The following MMEL1 variants were observed in gnomAD, a reference collection of about 807,000 sequenced individuals.
MMEL1 encodes membrane metallo-endopeptidase-like 1.
In MMEL1, 98 loss-of-function variants were observed where a neutral mutation model predicts 117.1. The observed-to-expected ratio is 0.84, with a 90% CI of 0.71 to 0.99. MMEL1 has a LOEUF of 0.99. Among genes scored for constraint, MMEL1 ranks in the 50% least tolerant of loss-of-function variants. The probability of loss-of-function intolerance (pLI) is 0.00; values close to 1 mark genes in which losing one functional copy is unlikely to be tolerated. For synonymous variants in MMEL1, 390 were observed against 415.1 expected (o/e 0.94, Z 0.74); for missense variants, 1,014 against 1,049.1 (o/e 0.97, Z 0.46).
At chr1:2,606,096 C>A (rs997767790) in intron 8 of MMEL1, 152 bp downstream of exon 8, 17 of 644,492 alleles carry the variant, frequency 2.6e-5, no homozygotes, top group Non-Finnish European at 4.4e-5. Context: ...AGCTCGTTCC[C>A]GGGCCCACGG....
In MMEL1 at chr1:2,598,425, T is replaced by C; in HGVS notation, c.1179-125A>G. The C allele has an allele frequency of 4.1e-6, 5 of 1,209,120 alleles. 1 individual carries two copies. In the South Asian group the frequency reaches 7.0e-5, roughly 17 times the overall value. The allele number at this position is 1,209,120 out of a possible 1,614,324, so 74.9% of individuals were successfully genotyped here. On this transcript the variant is annotated intron_variant, in intron 12 of 23. Transcript: ENST00000378412. Reference sequence around the variant, plus strand: ...AGAGTTATGGGTGCTGGAGAAAACCTCCAGGACAACCACCTCCAAGATCCA... The same window carrying C: ...AGAGTTATGGGTGCTGGAGAAAACCCCCAGGACAACCACCTCCAAGATCCA...
chr1:2,614,290 T>C (rs1291112843), intron 2 of MMEL1, among the ~76,000 whole-genome samples: 1 of 152,262 alleles, frequency 6.6e-6, no homozygotes, highest in Non-Finnish European at 1.5e-5. Flanking sequence ...TTGACCTAAG[T>C]AACTTTAGAA....
chr1:2,603,942 A>T lies in MMEL1; in HGVS notation c.983T>A (p.Val328Asp), dbSNP rs780063018. The change falls in exon 11 of 24, where the codon GTC (valine) becomes GAC (aspartate). Residue 328 changes from valine (V) to aspartate (D), a missense_variant. Transcript: ENST00000378412. ...ATVPQEERHD[V>D]IALYHRMGLE... ...TCCCATCCGGTGGTACAAGGCGATG[A>T]CGTCGTGTCTCTCCTCCTGGGGTAC... 6.2e-6 allele frequency: 10 copies of T among 1,613,682 alleles called. No individual in the cohort carries two copies. The African/African-American group carries it at 8.0e-5, about 13-fold the overall frequency.
At chr1:2,632,738 A>T (rs887975107) in intron 1 of MMEL1, 128 bp downstream of exon 1, 3 of 457,850 alleles carry the variant, frequency 6.6e-6, no homozygotes, top group Non-Finnish European at 8.6e-6. Flanking sequence ...TGCACACAGG[A>T]CGCCCTGCCC....
rs72849507 is a variant in MMEL1, at chr1:2,598,806, G to A, written c.1042-16C>T. On this transcript the variant is annotated splice_polypyrimidine_tract_variant and intron_variant, in intron 11 of 23. Transcript: ENST00000378412. ...AGTTAAATCCCTGCAGATAGAGGAA[G>A]TGGGGAGAAAGAGGGAGAGAGAGAG... is the stretch of plus-strand genomic sequence containing the variant. 1,057 of 1,602,880 alleles carry A rather than the reference G, an allele frequency of 6.6e-4. 5 individuals carry two copies. The African/African-American group carries it at 0.013, about 19-fold the overall frequency.
intron 11 of MMEL1, among the ~76,000 whole-genome samples, chr1:2,599,821 C>T (rs1353752055): frequency 1.4e-4 from 20 of 146,314 alleles, no homozygotes; most frequent in Admixed American, 4.2e-4. Context: ...CACTCCACTG[C>T]GCTCCAGCCT....
chr1:2,612,240 G>T lies in MMEL1; in HGVS notation c.155-36C>A. 1.9e-6 allele frequency: 3 copies of T among 1,542,340 alleles called. No homozygotes were observed. Among genetic ancestry groups the T allele is most frequent in the Non-Finnish European group, 2.6e-6 (3 of 1,137,572 alleles). The stretch of plus-strand genomic sequence containing the variant: ...ACACAGCGCTCAGCTGCGGCCTCCT[G>T]CCTGCAGCTCCCTGGGGGTGCTGGG... On this transcript the variant is annotated intron_variant, in intron 2 of 23. Coordinates refer to ENST00000378412, the MANE Select transcript of MMEL1 (RefSeq NM_033467.4). This position sits in a 1 kb window ranked among gnomAD's most constrained non-coding sequence, Gnocchi z 5.4.
At chr1:2,609,641 C>T in intron 5 of MMEL1, 29 bp downstream of exon 5, 1 of 1,592,000 alleles carries the variant, frequency 6.3e-7, no homozygotes, top group Non-Finnish European at 8.6e-7. Context: ...CGGCGTCACC[C>T]CACTGCACCC....
rs528610840 is a variant in MMEL1 at position 2,602,536 on chromosome 1, A to G, written c.1041+1348T>C. 2.0e-5 allele frequency among the ~76,000 whole-genome samples: 3 copies of G among 152,232 alleles called. No individual in the cohort carries two copies. In the South Asian group the frequency reaches 6.2e-4, roughly 32 times the overall value. Reference sequence around the variant, plus strand: ...GGGCACCCCCCTTGGCAGAGCTGCCATCTCTTGCCCGGGCTACGTGGCAGC... The same window carrying G: ...GGGCACCCCCCTTGGCAGAGCTGCCGTCTCTTGCCCGGGCTACGTGGCAGC... On this transcript the variant is annotated intron_variant, in intron 11 of 23. Transcript: ENST00000378412.
chr1:2,604,012 G>A (rs758771828), intron 10 of MMEL1, 39 bp from the exon 11 acceptor site: 1 of 1,608,172 alleles, frequency 6.2e-7, no homozygotes, highest in Non-Finnish European at 8.5e-7. Flanking sequence ...GGGTGGCCAG[G>A]ATGCCCCCTG....
At position 2,611,267 on chromosome 1, in the gene MMEL1, G is replaced by C; in HGVS notation, c.292+14C>G. The stretch of plus-strand genomic sequence containing the variant: ...CCTTGGGCAGGCTGTGGACGGCAAG[G>C]GGGCGGGGCTTACCTGCTATCACGC... On this transcript the variant is annotated intron_variant, in intron 4 of 23. Coordinates refer to ENST00000378412, the MANE Select transcript of MMEL1 (RefSeq NM_033467.4). 1 of 1,575,182 alleles carries C rather than the reference G, an allele frequency of 6.3e-7. No individual in the cohort carries two copies. The highest frequency in any genetic ancestry group is 8.6e-7 in the Non-Finnish European group (1 of 1,162,296).
At chr1:2,591,432 G>T in intron 23 of MMEL1, 125 bp downstream of exon 23, 3 of 799,086 alleles carry the variant, frequency 3.8e-6, no homozygotes, top group Non-Finnish European at 6.4e-6. Flanking sequence ...GCCCCTCTCA[G>T]GTTTATTCCC....
At chr1:2,614,517 T>C (rs1645174215) in intron 2 of MMEL1, among the ~76,000 whole-genome samples, 1 of 152,214 alleles carries the variant, frequency 6.6e-6, no homozygotes, top group African/African-American at 2.4e-5. Context: ...ATGGTCCATG[T>C]GGTGGTGGAG....
chr1:2,619,355 C>A (rs1645254403), intron 2 of MMEL1, among the ~76,000 whole-genome samples: 1 of 152,134 alleles, frequency 6.6e-6, no homozygotes, highest in Non-Finnish European at 1.5e-5. Context: ...GTTTGAAATG[C>A]TTCAAAAAGA....
intron 9 of MMEL1, among the ~76,000 whole-genome samples, chr1:2,604,787 G>A (rs1403400596): frequency 6.6e-6 from 1 of 152,150 alleles, no homozygotes; most frequent in Non-Finnish European, 1.5e-5. Context: ...CCCCAGTGCA[G>A]GCCAATGCTC....
intron 2 of MMEL1, among the ~76,000 whole-genome samples, chr1:2,626,215 T>C (rs543674204): frequency 6.9e-4 from 105 of 152,258 alleles, no homozygotes; most frequent in African/African-American, 2.1e-3. Context: ...AGAAGTATGA[T>C]TGGAAAATTG....
In MMEL1 at chr1:2,612,849, C is replaced by A. The variant is rs180724903; in HGVS notation, c.155-645G>T. On this transcript the variant is annotated intron_variant, in intron 2 of 23. Coordinates refer to ENST00000378412, the MANE Select transcript of MMEL1 (RefSeq NM_033467.4). The surrounding 1 kb of genome is among the most constrained non-coding windows in gnomAD (Gnocchi z 5.4). ...GTGGGATGGAGAGAAGAGGGGACCC[C>A]AGGTCCAGAGAGGTGACAAGCCAGG... Among the ~76,000 whole-genome samples the A allele has an allele frequency of 1.3e-5, 2 of 152,122 alleles. No individual in the cohort carries two copies. The highest frequency in any genetic ancestry group is 2.9e-5 in the Non-Finnish European group (2 of 68,002).
chr1:2,601,500 G>T lies in MMEL1; in HGVS notation c.1041+2384C>A, dbSNP rs541889601. Among the ~76,000 whole-genome samples, 25 of 152,270 alleles carry T rather than the reference G, an allele frequency of 1.6e-4. No individual in the cohort carries two copies. The South Asian group carries it at 5.0e-3, about 30-fold the overall frequency. On this transcript the variant is annotated intron_variant, in intron 11 of 23. Coordinates refer to ENST00000378412, the MANE Select transcript of MMEL1 (RefSeq NM_033467.4). ...CTAAGCAAACCTGAGGGTAGGCAAAGAGTTCTTTAGCAGAACACAAAGAAT... is the reference window on the plus strand; with the variant it reads ...CTAAGCAAACCTGAGGGTAGGCAAATAGTTCTTTAGCAGAACACAAAGAAT...
intron 1 of MMEL1, among the ~76,000 whole-genome samples, chr1:2,631,793 C>G (rs1019767346): frequency 6.6e-6 from 1 of 152,184 alleles, no homozygotes; most frequent in Non-Finnish European, 1.5e-5. Flanking sequence ...ACACCCCGCG[C>G]CAGTCCTCAG....
Sources: gnomAD v4.1 joint callset for allele counts (sites outside exome capture counted in the v4.1 genomes callset) on GRCh38, gnomAD v4.1.1 for gene constraint, Gnocchi (gnomAD v3.1) non-coding constraint, MANE v1.5 for transcripts, NCBI Gene and HGNC (gene_info 2026-07-23, HGNC 2026-07-21) for gene names.